The following RECK variants were observed in gnomAD, a reference collection of about 807,000 sequenced individuals.
RECK encodes the protein reversion inducing cysteine rich protein with kazal motifs.
RECK carries 69 observed loss-of-function variants against 115.1 expected under a neutral mutation model. The observed-to-expected ratio is 0.60, with a 90% CI of 0.49 to 0.73. The LOEUF (loss-of-function observed/expected upper bound fraction) is 0.73, where lower values mean the gene tolerates loss of function less well. Among genes scored for constraint, RECK ranks in the 30% least tolerant of loss-of-function variants. The probability of loss-of-function intolerance (pLI) is 0.00; values close to 1 mark genes in which losing one functional copy is unlikely to be tolerated. For missense variants in RECK, 1,047 were observed against 1,203.7 expected (o/e 0.87, Z 1.93); for synonymous variants, 414 against 419.7 (o/e 0.99, Z 0.17).
At chr9:36,078,850 C>CTTTAT (rs891297009) in intron 6 of RECK, among the ~76,000 whole-genome samples, 21 of 151,904 alleles carry the variant, frequency 1.4e-4, no homozygotes, top group Admixed American at 5.2e-4. Context: ...AGCCGACTAC[C>CTTTAT]TTTATTTTAT....
chr9:36,082,578 G>C (rs1013254471), intron 7 of RECK, among the ~76,000 whole-genome samples: 13 of 152,142 alleles, frequency 8.5e-5, no homozygotes, highest in Admixed American at 2.0e-4. Context: ...TCCCACATCT[G>C]CACCCCCAGC....
chr9:36,087,239 C>T (rs141679832), intron 8 of RECK, among the ~76,000 whole-genome samples: 1,957 of 152,080 alleles, frequency 0.013, 19 homozygotes, highest in Non-Finnish European at 0.023. Flanking sequence ...TTAGAACCAA[C>T]CCAAATGCCC....
intron 6 of RECK, chr9:36,066,888 T>A: frequency 8.0e-7 from 1 of 1,248,572 alleles, no homozygotes; most frequent in Non-Finnish European, 1.1e-6. Context: ...AGACAAACTG[T>A]CCTATGATAG....
chr9:36,060,005 A>C, intron 3 of RECK, 114 bp from the exon 4 acceptor site: 1 of 878,340 alleles, frequency 1.1e-6, no homozygotes, highest in Non-Finnish European at 1.9e-6. Context: ...TAGAACATTG[A>C]CTGTGTAGAC....
chr9:36,101,603 A>G (rs1158323384), intron 11 of RECK, among the ~76,000 whole-genome samples: 1 of 152,196 alleles, frequency 6.6e-6, no homozygotes, highest in East Asian at 1.9e-4. Context: ...TAGCACAGAA[A>G]ACTTGTAGGA....
At chr9:36,107,029 C>A (rs777792253) in intron 13 of RECK, among the ~76,000 whole-genome samples, 91 of 149,120 alleles carry the variant, frequency 6.1e-4, no homozygotes, top group Non-Finnish European at 1.0e-3. Flanking sequence ...TGGCGTGAAC[C>A]TGGGAGGTGG....
intron 1 of RECK, among the ~76,000 whole-genome samples, chr9:36,040,717 A>G (rs1287730951): frequency 6.6e-6 from 1 of 151,840 alleles, no homozygotes; most frequent in African/African-American, 2.4e-5. Context: ...TCAAGAGTAG[A>G]GTGGTGTGGA....
chr9:36,054,654 T>C (rs529109870), intron 2 of RECK, among the ~76,000 whole-genome samples: 251 of 152,086 alleles, frequency 1.7e-3, no homozygotes, highest in Non-Finnish European at 3.1e-3. Flanking sequence ...TATTTGTAGA[T>C]CAACTGGAGC....
intron 10 of RECK, among the ~76,000 whole-genome samples, chr9:36,097,522 A>C (rs1272203017): frequency 1.3e-5 from 2 of 152,196 alleles, no homozygotes; most frequent in Non-Finnish European, 1.5e-5. Context: ...AAAAGATGGA[A>C]GATAACAATT....
chr9:36,121,778 G>T, intron 20 of RECK, 90 bp downstream of exon 20: 1 of 1,379,672 alleles, frequency 7.2e-7, no homozygotes, highest in Non-Finnish European at 1.0e-6. Context: ...ACCGAGGAAG[G>T]ATCCGTGGGT....
At chr9:36,110,596 G>A (rs756212251) in intron 15 of RECK, among the ~76,000 whole-genome samples, 1 of 152,168 alleles carries the variant, frequency 6.6e-6, no homozygotes, top group Non-Finnish European at 1.5e-5. Flanking sequence ...AGTGAGATGG[G>A]ATGCTTTCCT....
intron 11 of RECK, among the ~76,000 whole-genome samples, chr9:36,101,209 C>T (rs998163939): frequency 1.3e-5 from 2 of 152,146 alleles, no homozygotes; most frequent in Non-Finnish European, 2.9e-5. Flanking sequence ...CCTCGGCCTC[C>T]CTAAGTGCTG....
intron 1 of RECK, among the ~76,000 whole-genome samples, chr9:36,037,458 G>A (rs1820711536): frequency 6.6e-6 from 1 of 151,704 alleles, no homozygotes; most frequent in Non-Finnish European, 1.5e-5. Flanking sequence ...TTTCGGATAC[G>A]CAGCCGCCCT....
At chr9:36,063,295 C>A (rs1411393965) in intron 4 of RECK, among the ~76,000 whole-genome samples, 1 of 152,170 alleles carries the variant, frequency 6.6e-6, no homozygotes, top group Non-Finnish European at 1.5e-5. Context: ...ACCTGACTCA[C>A]AAAAATTGCC....
At chr9:36,118,004 A>G (rs1371565708) in intron 17 of RECK, among the ~76,000 whole-genome samples, 1 of 152,008 alleles carries the variant, frequency 6.6e-6, no homozygotes, top group Non-Finnish European at 1.5e-5. Context: ...ACCAAGGACA[A>G]TTCCTTTTGA....
At chr9:36,077,630 A>T (rs536176257) in intron 6 of RECK, among the ~76,000 whole-genome samples, 1 of 152,354 alleles carries the variant, frequency 6.6e-6, no homozygotes, top group South Asian at 2.1e-4. Flanking sequence ...GGTAATTTTC[A>T]CATGATGCTG....
chr9:36,042,467 C>CGTGT (rs1820905964), intron 1 of RECK, among the ~76,000 whole-genome samples: 1 of 131,884 alleles, frequency 7.6e-6, no homozygotes, highest in Non-Finnish European at 1.7e-5. Flanking sequence ...TGTGTGTGTA[C>CGTGT]ACATATACCA....
chr9:36,076,236 A>G (rs1452336296), intron 6 of RECK, among the ~76,000 whole-genome samples: 1 of 152,234 alleles, frequency 6.6e-6, no homozygotes, highest in Non-Finnish European at 1.5e-5. Context: ...GAATGCACCC[A>G]AAGCAAGGTT....
In RECK at chr9:36,060,167, A is replaced by T; in HGVS notation, c.271+12A>T. 4 of 1,612,882 alleles carry T rather than the reference A, an allele frequency of 2.5e-6. 1 individual carries two copies. Among genetic ancestry groups the T allele is most frequent in the Non-Finnish European group, 3.4e-6 (4 of 1,179,122 alleles). ...TTCATCTTTGCCAGGTAAGCAATAA[A>T]AGTGTAACATTTAGCACTTAATTTT... is the stretch of plus-strand genomic sequence containing the variant. On this transcript the variant is annotated intron_variant, in intron 4 of 20. Coordinates refer to ENST00000377966, the MANE Select transcript of RECK (RefSeq NM_021111.3).
Sources: allele counts gnomAD v4.1 joint callset (sites outside exome capture counted in the v4.1 genomes callset), GRCh38; gene constraint gnomAD v4.1.1; transcripts MANE v1.5; gene names NCBI Gene and HGNC (gene_info 2026-07-23, HGNC 2026-07-21).